The following WDR4 variants were observed in gnomAD, a reference collection of about 807,000 sequenced individuals.
WDR4 encodes tRNA (guanine-N(7)-)-methyltransferase non-catalytic subunit WDR4.
Under a neutral mutation model 48.6 loss-of-function variants are expected in WDR4, and 47 were observed. The observed-to-expected ratio is 0.97, with a 90% CI of 0.77 to 1.23. The LOEUF is 1.23. Ranked by LOEUF, WDR4 falls within the 50% of genes most tolerant of loss-of-function variation. The probability of loss-of-function intolerance (pLI) is 0.00; values close to 1 mark genes in which losing one functional copy is unlikely to be tolerated. For synonymous variants in WDR4, 268 were observed against 230.0 expected (o/e 1.17, Z -1.49); for missense variants, 606 against 551.6 (o/e 1.10, Z -0.99).
At chr21:42,877,372 G>A (rs900282174) in intron 1 of WDR4, among the ~76,000 whole-genome samples, 4 of 147,942 alleles carry the variant, frequency 2.7e-5, no homozygotes, top group Non-Finnish European at 4.5e-5. Context: ...TCAAGCTCCT[G>A]ACCTCAGATG....
intron 6 of WDR4, among the ~76,000 whole-genome samples, chr21:42,858,099 A>G (rs533875232): frequency 5.3e-5 from 8 of 152,342 alleles, no homozygotes; most frequent in African/African-American, 1.4e-4. Context: ...CTCAAAAAAA[A>G]TAAGAATCAG....
downstream of WDR4, among the ~76,000 whole-genome samples, chr21:42,845,989 C>T (rs2057708218): frequency 6.6e-6 from 1 of 152,088 alleles, no homozygotes; most frequent in African/African-American, 2.4e-5. Flanking sequence ...AAAAATTAGC[C>T]AGCACGCAGG....
chr21:42,862,853 G>A lies in WDR4; in HGVS notation c.454-459C>T, dbSNP rs2058151152. Among the ~76,000 whole-genome samples, 1 of 152,176 alleles carries A rather than the reference G, an allele frequency of 6.6e-6. No individual in the cohort carries two copies. Among genetic ancestry groups the A allele is most frequent in the Non-Finnish European group, 1.5e-5 (1 of 68,034 alleles). On this transcript the variant is annotated intron_variant, in intron 4 of 10. Transcript: ENST00000398208. This position sits in a 1 kb window ranked among gnomAD's most constrained non-coding sequence, Gnocchi z 4.3. ...CCCACACTCGCCATTGTTCCTGACT[G>A]TCCCTGTGTGCGTCCAATCCCAGCT...
the WDR4 span, among the ~76,000 whole-genome samples, chr21:42,890,266 T>G: frequency 6.8e-4 from 103 of 151,250 alleles, no homozygotes; most frequent in Non-Finnish European, 1.2e-3. Context: ...CCAGGCACGG[T>G]GGCTCACGAC....
intron 10 of WDR4, 45 bp from the exon 11 acceptor site, chr21:42,850,287 T>C (rs1251601070): frequency 3.9e-6 from 6 of 1,536,292 alleles, no homozygotes; most frequent in South Asian, 1.2e-5. Context: ...GGCAGGAACA[T>C]GGGACTCGGC....
chr21:42,850,546 T>C (rs2057798518), intron 10 of WDR4, among the ~76,000 whole-genome samples: 1 of 152,112 alleles, frequency 6.6e-6, no homozygotes, highest in Non-Finnish European at 1.5e-5. Context: ...AGAAAGCCAC[T>C]ACTGCACCAT....
intron 1 of WDR4, chr21:42,878,994 G>GGGAGACC (rs2058565661): frequency 2.0e-6 from 2 of 1,009,240 alleles, no homozygotes; most frequent in Non-Finnish European, 2.4e-6. Flanking sequence ...CTTCTCACCA[G>GGGAGACC]GGAGACCCGA....
In WDR4 at chr21:42,852,344, A is replaced by T. The variant is rs995842573; in HGVS notation, c.976-20T>A. Reference sequence around the variant, plus strand: ...AACAGACTGCAGGCGACAAACAGGAAATCTTCATCAGAAAGAGGCAGGCCT... The same window carrying T: ...AACAGACTGCAGGCGACAAACAGGATATCTTCATCAGAAAGAGGCAGGCCT... On this transcript the variant is annotated intron_variant, in intron 9 of 10. Coordinates refer to ENST00000398208, the MANE Select transcript of WDR4 (RefSeq NM_018669.6). The T allele has an allele frequency of 6.8e-6, 11 of 1,613,202 alleles. No individual in the cohort carries two copies. The highest frequency in any genetic ancestry group is 9.3e-6 in the Non-Finnish European group (11 of 1,179,590).
At chr21:42,857,604 A>T (rs892833176) in intron 6 of WDR4, among the ~76,000 whole-genome samples, 2 of 152,236 alleles carry the variant, frequency 1.3e-5, no homozygotes, top group Non-Finnish European at 2.9e-5. Context: ...TCAGTGAGAT[A>T]AGAGACACGT....
intron 10 of WDR4, among the ~76,000 whole-genome samples, chr21:42,850,590 G>T (rs529044561): frequency 6.6e-6 from 1 of 152,300 alleles, no homozygotes; most frequent in South Asian, 2.1e-4. Flanking sequence ...GGTGGCAGGG[G>T]ACCAGGAGCA....
chr21:42,851,664 G>A (rs1047553091), intron 10 of WDR4, among the ~76,000 whole-genome samples: 2 of 152,266 alleles, frequency 1.3e-5, no homozygotes, highest in Non-Finnish European at 2.9e-5. Flanking sequence ...CCAGAAGGCA[G>A]GGTAGAAAAT....
chr21:42,863,667 A>G, intron 3 of WDR4, 71 bp from the exon 4 acceptor site: 1 of 1,518,844 alleles, frequency 6.6e-7, no homozygotes, highest in Non-Finnish European at 8.9e-7. Context: ...CTGGCAGGCC[A>G]CGTGGGCGGT....
intron 5 of WDR4, among the ~76,000 whole-genome samples, chr21:42,861,007 C>T (rs1257226222): frequency 1.3e-5 from 2 of 152,158 alleles, no homozygotes; most frequent in East Asian, 1.9e-4. Flanking sequence ...TTGCCAGCCA[C>T]TATGTTGAAA....
the WDR4 span, among the ~76,000 whole-genome samples, chr21:42,889,777 T>C: frequency 1.3e-5 from 2 of 152,222 alleles, no homozygotes; most frequent in South Asian, 2.1e-4. Context: ...AGAAGGAGTT[T>C]CGTTCTGCTG....
In WDR4 at chr21:42,858,766, G is replaced by A. The variant is rs542235681; in HGVS notation, c.627+896C>T. 2.7e-3 allele frequency among the ~76,000 whole-genome samples: 414 copies of A among 152,212 alleles called. 1 individual carries two copies. The highest frequency in any genetic ancestry group is 0.01 in the Middle Eastern group (3 of 294). ...CACACTTTTCTTCTTCTCTCAGGTC[G>A]CGTGGCTGTGTGTTAATTTGAAGAG... is the stretch of plus-strand genomic sequence containing the variant. On this transcript the variant is annotated intron_variant, in intron 6 of 10. Coordinates refer to ENST00000398208, the MANE Select transcript of WDR4 (RefSeq NM_018669.6).
At chr21:42,879,119 C>T in intron 1 of WDR4, 1 of 1,211,700 alleles carries the variant, frequency 8.3e-7, no homozygotes, top group Non-Finnish European at 1.0e-6. Context: ...AGACCGGAAG[C>T]GACCCGGCGG....
rs375741013 is a variant in WDR4, at chr21:42,853,723, T to A, written c.821A>T (p.Asp274Val). 630 of 1,563,098 alleles carry A rather than the reference T, an allele frequency of 4.0e-4. No homozygotes were observed. Among genetic ancestry groups the A allele is most frequent in the Non-Finnish European group, 5.3e-4 (617 of 1,153,542 alleles). ...GTPVVYIFQL[D>V]ARRQQLVYRQ... ...GTACACCAACTGCTGTCTGCGGGCG[T>A]CCAGCTGGAAGATGTAGACCACAGG... is the stretch of plus-strand genomic sequence containing the variant. Residue 274 changes from aspartate to valine, a missense_variant, in exon 9 of 11, where the codon GAC becomes GTC. Transcript: ENST00000398208.
chr21:42,876,641 C>T, intron 2 of WDR4, 61 bp downstream of exon 2: 1 of 1,502,224 alleles, frequency 6.7e-7, no homozygotes, highest in Non-Finnish European at 9.2e-7. Flanking sequence ...GCTTCTTAGA[C>T]CCTCTGGTCC....
At position 42,863,564 on chromosome 21, in the gene WDR4, A is replaced by T. The variant is rs558179750; in HGVS notation, c.329T>A (p.Phe110Tyr). ...TVARRCTALT[F>Y]IASEEKVLVA... ...CAAGACCTTCTCCTCCGAGGCTATG[A>T]AAGTCAGGGCTGTACACCTCCTTGC... is the stretch of plus-strand genomic sequence containing the variant. Residue 110 changes from phenylalanine to tyrosine, a missense_variant, in exon 4 of 11, where the codon TTC becomes TAC. By Grantham distance (22) the Phe-to-Tyr change is conservative (BLOSUM62 3). Coordinates refer to ENST00000398208, the MANE Select transcript of WDR4 (RefSeq NM_018669.6). The T allele has an allele frequency of 5.0e-6, 8 of 1,613,774 alleles. No homozygotes were observed. In the South Asian group the frequency reaches 8.8e-5, roughly 18 times the overall value.
Sources: allele counts gnomAD v4.1 joint callset (sites outside exome capture counted in the v4.1 genomes callset), GRCh38; gene constraint gnomAD v4.1.1; non-coding constraint Gnocchi (gnomAD v3.1); transcripts MANE v1.5; gene names NCBI Gene and HGNC (gene_info 2026-07-23, HGNC 2026-07-21).